GLP2R: variants seen among roughly 807,000 people sequenced by gnomAD.
The protein encoded by GLP2R is glucagon-like peptide 2 receptor.
Under a neutral mutation model 68.2 loss-of-function variants are expected in GLP2R, and 59 were observed. The ratio of observed to expected loss-of-function variants is 0.87; its 90% CI spans 0.70 to 1.07. The LOEUF is 1.07. GLP2R is among the 50% of genes least tolerant of loss of function. The pLI, the probability that GLP2R is intolerant of heterozygous loss-of-function variation, is 0.00. For synonymous variants in GLP2R, 270 were observed against 265.4 expected, an observed-to-expected ratio of 1.02 and a Z score of -0.17; for missense variants, 548 against 677.4, an observed-to-expected ratio of 0.81 and a Z score of 2.12.
intron 11 of GLP2R, among the ~76,000 whole-genome samples, chr17:9,887,231 A>AG (rs1169459068): frequency 6.6e-6 from 1 of 151,440 alleles, no homozygotes; most frequent in Middle Eastern, 3.2e-3. Flanking sequence ...AGTCAGGCAA[A>AG]GAAAAAAAAA....
intron 11 of GLP2R, 144 bp from the exon 12 acceptor site, chr17:9,887,788 A>G: frequency 1.4e-6 from 1 of 731,626 alleles, no homozygotes; most frequent in South Asian, 1.5e-5. Context: ...CAGTATGACT[A>G]ATTCTAGTTA....
intron 11 of GLP2R, among the ~76,000 whole-genome samples, chr17:9,882,672 G>A (rs887043762): frequency 4.6e-5 from 7 of 152,100 alleles, no homozygotes; most frequent in Non-Finnish European, 8.8e-5. Flanking sequence ...ATGGGCTTGA[G>A]GTGTTTGAAA....
rs10567375 is a variant in GLP2R at position 9,859,819 on chromosome 17, C to CAA, written c.766-97_766-96dup. ...CTGGCAACAGAGTGAGATTCTGTCT[C>CAA]AAAAAAAAAAAAAAAAAAAAAAAAA... On this transcript the variant is annotated intron_variant, in intron 6 of 12. Transcript: ENST00000262441. 909 of 143,732 alleles carry CAA rather than the reference C, an allele frequency of 6.3e-3. 26 individuals carry two copies. Among genetic ancestry groups the CAA allele is most frequent in the South Asian group, 0.013 (120 of 8,962 alleles). The allele number at this position is 143,732 out of a possible 1,614,324, so 8.9% of individuals were successfully genotyped here.
intron 10 of GLP2R, among the ~76,000 whole-genome samples, chr17:9,879,286 TAAAATAAATAAAATA>T (rs200044552): frequency 0.22 from 11,856 of 52,938 alleles, 683 homozygotes; most frequent in Middle Eastern, 0.33. Flanking sequence ...TAAAATAAAA[TAAAATAAATAAAATA>T]AAATAAAATA....
At chr17:9,859,726 G>A (rs1258575718) in intron 6 of GLP2R, among the ~76,000 whole-genome samples, 1 of 148,186 alleles carries the variant, frequency 6.7e-6, no homozygotes, top group African/African-American at 2.5e-5. Context: ...GGCTGACGCA[G>A]GAGAATCACT....
rs183470131 is a variant in GLP2R at position 9,890,263 on chromosome 17, A to T, written c.*558A>T. 3 of 342,850 alleles carry T rather than the reference A, an allele frequency of 8.8e-6. No homozygotes were observed. The highest frequency in any genetic ancestry group is 7.9e-5 in the East Asian group (1 of 12,608). The allele number at this position is 342,850 out of a possible 1,614,324, so 21.2% of individuals were successfully genotyped here. Reference sequence around the variant, plus strand: ...GAGAACACTGGGCAGGGTGAGAGGGAGCTAGAAGCGCCCCCATGTGGCCAT... The same window carrying T: ...GAGAACACTGGGCAGGGTGAGAGGGTGCTAGAAGCGCCCCCATGTGGCCAT... On this transcript the variant is annotated 3_prime_UTR_variant, in exon 13 of 13. Transcript: ENST00000262441.
intron 4 of GLP2R, among the ~76,000 whole-genome samples, chr17:9,847,802 C>G (rs549455057): frequency 1.3e-5 from 2 of 152,170 alleles, no homozygotes; most frequent in Admixed American, 6.5e-5. Context: ...GGTTCGGGCT[C>G]TGTTCCTTCA....
intron 9 of GLP2R, chr17:9,866,159 G>A (rs978826235): frequency 3.7e-5 from 12 of 326,166 alleles, no homozygotes; most frequent in South Asian, 1.8e-4. Flanking sequence ...AGGCAGGCTA[G>A]GAGTCAGGAG....
chr17:9,875,284 G>A (rs910555517), intron 10 of GLP2R, among the ~76,000 whole-genome samples: 2 of 152,122 alleles, frequency 1.3e-5, no homozygotes, highest in Non-Finnish European at 2.9e-5. Context: ...TCAGCTCACA[G>A]TGCCCTCTTC....
intron 4 of GLP2R, among the ~76,000 whole-genome samples, chr17:9,850,728 C>G (rs926409099): frequency 1.4e-5 from 2 of 140,766 alleles, no homozygotes; most frequent in Admixed American, 7.3e-5. Context: ...ATCTCTCTCT[C>G]TCTCACCCAG....
In GLP2R at chr17:9,848,897, G is replaced by C. The variant is rs567585441; in HGVS notation, c.505-5598G>C. On this transcript the variant is annotated intron_variant, in intron 4 of 12. Coordinates refer to ENST00000262441, the MANE Select transcript of GLP2R (RefSeq NM_004246.3). ...TGTGTGTGTGTGTGTGTGTGTGTGC[G>C]CTCACATAAGCATTAACAAGTGTGT... 1.1e-3 allele frequency among the ~76,000 whole-genome samples: 108 copies of C among 99,328 alleles called. No individual in the cohort carries two copies. The Middle Eastern group carries it at 0.016, about 15-fold the overall frequency. The allele number at this position is 99,328 out of a possible 152,430, so 65.2% of individuals were successfully genotyped here.
intron 8 of GLP2R, among the ~76,000 whole-genome samples, chr17:9,861,656 T>C (rs2066988638): frequency 6.6e-6 from 1 of 152,262 alleles, no homozygotes; most frequent in African/African-American, 2.4e-5. Context: ...CTCAACAGCC[T>C]GTTTTAAGCC....
rs549530049 is a variant in GLP2R, at chr17:9,847,260, T to C, written c.504+4644T>C. Among the ~76,000 whole-genome samples, 6 of 150,978 alleles carry C rather than the reference T, an allele frequency of 4.0e-5. No homozygotes were observed. In the South Asian group the frequency reaches 1.3e-3, roughly 33 times the overall value. ...ATAATTTATTCATTGTAAATTTACA[T>C]CATTTAATTTTTTTTTCTTTTTTTT... On this transcript the variant is annotated intron_variant, in intron 4 of 12. Coordinates refer to ENST00000262441, the MANE Select transcript of GLP2R (RefSeq NM_004246.3).
intron 4 of GLP2R, among the ~76,000 whole-genome samples, chr17:9,846,555 A>G (rs573834842): frequency 8.5e-5 from 13 of 152,250 alleles, no homozygotes; most frequent in Non-Finnish European, 1.6e-4. Flanking sequence ...GGAGGTTGAG[A>G]CTGTAATGAG....
chr17:9,853,145 T>C, intron 4 of GLP2R: 1 of 475,642 alleles, frequency 2.1e-6, no homozygotes, highest in Middle Eastern at 6.7e-4. Flanking sequence ...TGTGCAATCA[T>C]GCTTTGCACC....
At chr17:9,836,330 C>A in intron 2 of GLP2R, 41 bp from the exon 3 acceptor site, 1 of 1,342,020 alleles carries the variant, frequency 7.5e-7, no homozygotes, top group Non-Finnish European at 1.1e-6. Flanking sequence ...CATCCCTGTG[C>A]TAAAACACTG....
chr17:9,866,884 G>A (rs2067042941), intron 9 of GLP2R: 1 of 152,180 alleles, frequency 6.6e-6, no homozygotes, highest in South Asian at 2.1e-4. Flanking sequence ...CAACGTGGAA[G>A]GAACCTGGAT....
chr17:9,831,626 G>A (rs926106817), intron 1 of GLP2R, among the ~76,000 whole-genome samples: 2 of 152,318 alleles, frequency 1.3e-5, no homozygotes, highest in South Asian at 2.1e-4. Context: ...GTGCAAGGAT[G>A]AGAAGTCATG....
intron 4 of GLP2R, among the ~76,000 whole-genome samples, chr17:9,850,720 C>CTT (rs201317731): frequency 0.051 from 5,726 of 113,154 alleles, 446 homozygotes; most frequent in African/African-American, 0.23. Context: ...GAGCCGGGAT[C>CTT]TCTCTCTCTC....
Sources: gnomAD v4.1 joint callset for allele counts (sites outside exome capture counted in the v4.1 genomes callset) on GRCh38, gnomAD v4.1.1 for gene constraint, MANE v1.5 for transcripts, NCBI Gene and HGNC (gene_info 2026-07-23, HGNC 2026-07-21) for gene names.